SLC39A11: variants seen among roughly 807,000 people sequenced by gnomAD.
The protein encoded by SLC39A11 is zinc transporter ZIP11.
Under a neutral mutation model 36.1 loss-of-function variants are expected in SLC39A11, and 33 were observed. The ratio of observed to expected loss-of-function variants is 0.91; its 90% CI spans 0.69 to 1.22. The LOEUF is 1.22. Ranked by LOEUF, SLC39A11 falls within the 50% of genes most tolerant of loss-of-function variation. The pLI is 0.00. For synonymous variants in SLC39A11, 166 were observed against 170.3 expected (o/e 0.97, Z 0.20); for missense variants, 432 against 430.3 (o/e 1.00, Z -0.03).
chr17:72,783,020 A>G lies in SLC39A11; in HGVS notation c.602-46301T>C, dbSNP rs576712087. 1.8e-3 allele frequency among the ~76,000 whole-genome samples: 278 copies of G among 151,116 alleles called. 8 individuals are homozygous for G. The highest frequency in any genetic ancestry group is 6.1e-3 in the African/African-American group (252 of 41,220). On this transcript the variant is annotated intron_variant, in intron 6 of 9. Transcript: ENST00000255559. ...CTGTCTCAACAAAAAAAAAAAAAAA[A>G]AAGAAAAAAGAAAAGAAAAGAAAGC...
intron 6 of SLC39A11, among the ~76,000 whole-genome samples, chr17:72,756,207 C>T (rs535711341): frequency 1.2e-4 from 18 of 152,264 alleles, no homozygotes; most frequent in South Asian, 4.1e-4. Context: ...CCTGAGGTTC[C>T]GTTTTCTGTC....
intron 7 of SLC39A11, among the ~76,000 whole-genome samples, chr17:72,692,541 C>T (rs1250348270): frequency 6.6e-6 from 1 of 152,132 alleles, no homozygotes; most frequent in Admixed American, 6.5e-5. Flanking sequence ...AGTGGAAATC[C>T]CTGATAAACC....
intron 6 of SLC39A11, among the ~76,000 whole-genome samples, chr17:72,819,261 G>C (rs1217055002): frequency 6.6e-6 from 1 of 151,170 alleles, no homozygotes; most frequent in Non-Finnish European, 1.5e-5. Flanking sequence ...CATACATAAA[G>C]AGAAGATGAC....
chr17:72,972,006 A>G (rs1468800377), intron 4 of SLC39A11, among the ~76,000 whole-genome samples: 1 of 152,248 alleles, frequency 6.6e-6, no homozygotes, highest in Non-Finnish European at 1.5e-5. Context: ...CCCTCAATTA[A>G]TATGAACTGT....
At chr17:72,893,063 G>T (rs994000175) in intron 5 of SLC39A11, among the ~76,000 whole-genome samples, 1 of 152,100 alleles carries the variant, frequency 6.6e-6, no homozygotes, top group Non-Finnish European at 1.5e-5. Flanking sequence ...CTTGTCAAAA[G>T]GATCATTTAT....
intron 7 of SLC39A11, among the ~76,000 whole-genome samples, chr17:72,686,797 A>G (rs1286487205): frequency 1.3e-5 from 2 of 152,180 alleles, no homozygotes; most frequent in African/African-American, 4.8e-5. Flanking sequence ...TAAAAGATTT[A>G]AATTAGAGTA....
intron 7 of SLC39A11, among the ~76,000 whole-genome samples, chr17:72,697,020 G>A (rs2072335774): frequency 1.3e-5 from 2 of 152,196 alleles, no homozygotes; most frequent in African/African-American, 4.8e-5. Context: ...GTTTCTTTCT[G>A]CTAATAGCCA....
At chr17:73,041,247 T>G (rs1183185414) in intron 3 of SLC39A11, among the ~76,000 whole-genome samples, 1 of 152,032 alleles carries the variant, frequency 6.6e-6, no homozygotes, top group Non-Finnish European at 1.5e-5. Flanking sequence ...AAGGCCAAAG[T>G]CAGAAGGAAA....
chr17:73,020,557 A>C (rs1454604167), intron 4 of SLC39A11, among the ~76,000 whole-genome samples: 2 of 152,174 alleles, frequency 1.3e-5, no homozygotes, highest in Non-Finnish European at 1.5e-5. Context: ...AGTATTTCTA[A>C]AGGAAACCAA....
At chr17:73,089,108 G>A (rs2060840322) in intron 1 of SLC39A11, among the ~76,000 whole-genome samples, 1 of 152,164 alleles carries the variant, frequency 6.6e-6, no homozygotes, top group South Asian at 2.1e-4. Flanking sequence ...GCATAGGAGG[G>A]TCTGATGCAG....
rs111298089 is a variant in SLC39A11 at position 72,845,048 on chromosome 17, C to T, written c.601+4586G>A. On this transcript the variant is annotated intron_variant, in intron 6 of 9. Coordinates refer to ENST00000255559, the MANE Select transcript of SLC39A11 (RefSeq NM_139177.4). Reference sequence around the variant, plus strand: ...GGATCCCTTCTCACCACATCCAGCACGACCACCTTGGTCTGCACCACTATC... The same window carrying T: ...GGATCCCTTCTCACCACATCCAGCATGACCACCTTGGTCTGCACCACTATC... Among the ~76,000 whole-genome samples, 1,114 of 152,284 alleles carry T rather than the reference C, an allele frequency of 7.3e-3. 8 individuals are homozygous for T. Among genetic ancestry groups the T allele is most frequent in the Admixed American group, 0.014 (214 of 15,304 alleles).
chr17:72,837,535 C>A (rs1183809977), intron 6 of SLC39A11, among the ~76,000 whole-genome samples: 5 of 152,104 alleles, frequency 3.3e-5, no homozygotes, highest in Non-Finnish European at 2.9e-5. Context: ...TATGACCCAG[C>A]AATTCTACTC....
At chr17:72,844,613 G>A (rs1412057925) in intron 6 of SLC39A11, among the ~76,000 whole-genome samples, 2 of 152,166 alleles carry the variant, frequency 1.3e-5, no homozygotes, top group East Asian at 3.8e-4. Context: ...AGGTTGCAGT[G>A]AGCCAAAATT....
chr17:72,665,803 C>G (rs145442684), intron 7 of SLC39A11, among the ~76,000 whole-genome samples: 122 of 152,132 alleles, frequency 8.0e-4, no homozygotes, highest in Middle Eastern at 3.4e-3. Context: ...CTTTCTCTTT[C>G]TTTTCTCTCT....
In SLC39A11 at chr17:73,035,863, CAAAAAAA is replaced by C. The variant is rs1174297357; in HGVS notation, c.148-4156_148-4150del. On this transcript the variant is annotated intron_variant, in intron 3 of 9. Coordinates refer to ENST00000255559, the MANE Select transcript of SLC39A11 (RefSeq NM_139177.4). ...TGGGTGACAGAGCGACACTCCATCT[CAAAAAAA>C]AAAAAAAAAAAAAAAAAGAAGGGTC... Among the ~76,000 whole-genome samples the C allele has an allele frequency of 1.7e-4, 11 of 65,552 alleles. No individual in the cohort carries two copies. The South Asian group carries it at 5.1e-3, about 30-fold the overall frequency. The allele number at this position is 65,552 out of a possible 152,430, so 43.0% of individuals were successfully genotyped here. A position where few individuals can be genotyped will look rare whatever the true frequency, so the allele number is the denominator to read the frequency against.
rs138272257 is a variant in SLC39A11, at chr17:73,088,659, G to C, written c.106C>G (p.Gln36Glu). 39 of 1,610,908 alleles carry C rather than the reference G, an allele frequency of 2.4e-5. No homozygotes were observed. The African/African-American group carries it at 4.1e-4, about 17-fold the overall frequency. ...AGAACCAAAGCAAGGCAACTCACCT[G>C]TCCACTAGAGAATACGAACACGAGA... ...AALVFVFSSG[Q>E]RRILDGSLGF... The change falls in exon 2 of 10, where the codon CAG becomes GAG. Residue 36 changes from glutamine (Q) to glutamate (E), a missense_variant and splice_region_variant. Gln to Glu is a conservative substitution (Grantham distance 29). Transcript: ENST00000255559.
intron 5 of SLC39A11, among the ~76,000 whole-genome samples, chr17:72,915,787 T>C (rs903773722): frequency 5.3e-5 from 8 of 152,220 alleles, no homozygotes; most frequent in African/African-American, 1.4e-4. Flanking sequence ...GTAGCTCCTA[T>C]ATTCACACCT....
chr17:72,976,056 G>C (rs534993537), intron 4 of SLC39A11, among the ~76,000 whole-genome samples: 2 of 151,012 alleles, frequency 1.3e-5, no homozygotes, highest in Admixed American at 1.3e-4. Context: ...TGTAGTCCCA[G>C]CTACTCGGGA....
intron 4 of SLC39A11, among the ~76,000 whole-genome samples, chr17:72,965,611 G>A (rs1174445269): frequency 6.6e-6 from 1 of 152,208 alleles, no homozygotes; most frequent in Non-Finnish European, 1.5e-5. Context: ...ATGCTCAGCA[G>A]GTTCGGTGTA....
Sources: allele counts gnomAD v4.1 joint callset (sites outside exome capture counted in the v4.1 genomes callset), GRCh38; gene constraint gnomAD v4.1.1; transcripts MANE v1.5; gene names NCBI Gene and HGNC (gene_info 2026-07-23, HGNC 2026-07-21).